The following MOCOS variants were observed in gnomAD, a reference collection of about 807,000 sequenced individuals.
MOCOS encodes the protein human molybdenum cofactor sulfurase.
In MOCOS, 86 loss-of-function variants were observed where a neutral mutation model predicts 83.6. That is an observed-to-expected ratio of 1.03 (90% CI 0.86 to 1.23). The LOEUF (loss-of-function observed/expected upper bound fraction) is 1.23. Among genes scored for constraint, MOCOS ranks in the 50% most tolerant of loss-of-function variants. MOCOS has a pLI of 0.00. For missense variants in MOCOS, 1,120 were observed against 1,126.9 expected, an observed-to-expected ratio of 0.99 and a Z score of 0.09; for synonymous variants, 445 against 434.7, an observed-to-expected ratio of 1.02 and a Z score of -0.29.
intron 1 of MOCOS, among the ~76,000 whole-genome samples, chr18:36,190,754 A>G (rs1303221320): frequency 6.6e-6 from 1 of 152,000 alleles, no homozygotes; most frequent in Non-Finnish European, 1.5e-5. Context: ...GTCTCAAAAA[A>G]AACAAAAAAA....
chr18:36,263,222 A>G (rs2091670055), intron 13 of MOCOS, among the ~76,000 whole-genome samples: 1 of 152,236 alleles, frequency 6.6e-6, no homozygotes, highest in Non-Finnish European at 1.5e-5. Context: ...GGATGTCATC[A>G]AGTCATAAAT....
intron 6 of MOCOS, among the ~76,000 whole-genome samples, chr18:36,208,706 A>AT (rs2091443242): frequency 6.6e-6 from 1 of 151,998 alleles, no homozygotes; most frequent in Non-Finnish European, 1.5e-5. Flanking sequence ...AGATTATGGG[A>AT]TTTTCCGGGT....
At chr18:36,218,761 C>T (rs1362899058) in intron 8 of MOCOS, among the ~76,000 whole-genome samples, 3 of 151,998 alleles carry the variant, frequency 2.0e-5, no homozygotes, top group African/African-American at 7.2e-5. Context: ...CTCAAGTGAT[C>T]CCCCTGCCTC....
intron 1 of MOCOS, among the ~76,000 whole-genome samples, chr18:36,192,624 G>C (rs1418676323): frequency 6.6e-6 from 1 of 152,142 alleles, no homozygotes; most frequent in Non-Finnish European, 1.5e-5. Context: ...AGAAATGCAA[G>C]TGACTCAGAA....
intron 6 of MOCOS, among the ~76,000 whole-genome samples, chr18:36,206,891 C>T (rs2091436910): frequency 6.6e-6 from 1 of 152,154 alleles, no homozygotes; most frequent in Non-Finnish European, 1.5e-5. Context: ...CACTGATGGG[C>T]ATATAGGTTG....
chr18:36,250,151 A>G lies in MOCOS; in HGVS notation c.2040-1008A>G, dbSNP rs189696362. Among the ~76,000 whole-genome samples, 10 of 152,286 alleles carry G rather than the reference A, an allele frequency of 6.6e-5. No homozygotes were observed. The East Asian group carries it at 1.2e-3, about 18-fold the overall frequency. On this transcript the variant is annotated intron_variant, in intron 10 of 14. Coordinates refer to ENST00000261326, the MANE Select transcript of MOCOS (RefSeq NM_017947.4). ...ACCAATTCCCCTTTCACCCCCGCCC[A>G]TATACTAAAACAGTTAACTATATAA... is the stretch of plus-strand genomic sequence containing the variant.
At chr18:36,231,157 T>C (rs1056723365) in intron 9 of MOCOS, among the ~76,000 whole-genome samples, 5 of 152,204 alleles carry the variant, frequency 3.3e-5, no homozygotes, top group African/African-American at 1.2e-4. Flanking sequence ...TATTTCTTAC[T>C]GAACGCTTTT....
At chr18:36,231,007 CTTT>C (rs1302943337) in intron 9 of MOCOS, among the ~76,000 whole-genome samples, 1 of 152,142 alleles carries the variant, frequency 6.6e-6, no homozygotes. Context: ...AGACATTCTT[CTTT>C]ATTACCAACT....
At chr18:36,198,002 T>TTA (rs1339796709) in intron 2 of MOCOS, among the ~76,000 whole-genome samples, 1 of 152,214 alleles carries the variant, frequency 6.6e-6, no homozygotes, top group African/African-American at 2.4e-5. Context: ...GATTCATGCA[T>TTA]TATGTATATT....
At chr18:36,244,592 C>T (rs594680) in intron 9 of MOCOS, among the ~76,000 whole-genome samples, 87,438 of 151,922 alleles carry the variant, frequency 0.58, 25,973 homozygotes, top group African/African-American at 0.69. Flanking sequence ...AGAATGTATA[C>T]TCTGCAGTTG....
chr18:36,187,753 T>C, intron 1 of MOCOS, 72 bp downstream of exon 1: 1 of 1,238,124 alleles, frequency 8.1e-7, no homozygotes, highest in East Asian at 3.1e-5. Context: ...TTGCTCCTAG[T>C]GAGAGCGGCG....
chr18:36,267,621 C>A (rs983134668), intron 14 of MOCOS, among the ~76,000 whole-genome samples: 1 of 152,102 alleles, frequency 6.6e-6, no homozygotes, highest in Non-Finnish European at 1.5e-5. Flanking sequence ...ATAGAAATGG[C>A]CTGCAGAGTA....
chr18:36,214,147 A>G (rs1254131126), intron 7 of MOCOS, among the ~76,000 whole-genome samples: 3 of 148,878 alleles, frequency 2.0e-5, no homozygotes, highest in Non-Finnish European at 4.4e-5. Flanking sequence ...AGGCTGAGGC[A>G]GGAGAACTGC....
chr18:36,268,519 T>C lies in MOCOS; in HGVS notation c.2515-14T>C. On this transcript the variant is annotated splice_polypyrimidine_tract_variant and intron_variant, in intron 14 of 14. Transcript: ENST00000261326. Reference sequence around the variant, plus strand: ...ATCTAGCCTTTTTTGTTGTTGTTGCTGTTTTGTTCACAGGTGAACTTTGGC... The same window carrying C: ...ATCTAGCCTTTTTTGTTGTTGTTGCCGTTTTGTTCACAGGTGAACTTTGGC... 1 of 1,614,180 alleles carries C rather than the reference T, an allele frequency of 6.2e-7. No homozygotes were observed. The highest frequency in any genetic ancestry group is 8.5e-7 in the Non-Finnish European group (1 of 1,180,030).
chr18:36,251,052 GC>G, intron 10 of MOCOS, 106 bp from the exon 11 acceptor site: 1 of 1,374,532 alleles, frequency 7.3e-7, no homozygotes, highest in Non-Finnish European at 1.0e-6. Flanking sequence ...CAGGGCTCAT[GC>G]AATGTTTTGT....
chr18:36,215,877 C>G lies in MOCOS; in HGVS notation c.1697C>G (p.Thr566Ser). Residue 566 changes from threonine to serine, a missense_variant, in exon 8 of 15, where the codon ACT (threonine) becomes AGT (serine). Physicochemically the swap from Thr to Ser is moderately conservative, Grantham distance 58. Coordinates refer to ENST00000261326, the MANE Select transcript of MOCOS (RefSeq NM_017947.4). ...TGTGATGTCGCCAGAACCCAGCCGACTCCTTCAGAGAAAGCTGCAGGAGTC... is the reference window on the plus strand; with the variant it reads ...TGTGATGTCGCCAGAACCCAGCCGAGTCCTTCAGAGAAAGCTGCAGGAGTC... ...PVCDVARTQP[T>S]PSEKAAGVLE... is the part of the protein sequence containing the mutation. 1 of 1,614,230 alleles carries G rather than the reference C, an allele frequency of 6.2e-7. No homozygotes were observed.
At chr18:36,261,814 C>T (rs1369364153) in intron 13 of MOCOS, among the ~76,000 whole-genome samples, 1 of 151,992 alleles carries the variant, frequency 6.6e-6, no homozygotes, top group African/African-American at 2.4e-5. Flanking sequence ...TGTGTCTCTG[C>T]CATGTTTTTT....
At chr18:36,219,346 T>C (rs1470279112) in intron 8 of MOCOS, among the ~76,000 whole-genome samples, 2 of 152,076 alleles carry the variant, frequency 1.3e-5, no homozygotes, top group African/African-American at 4.8e-5. Context: ...TATACTATTA[T>C]GAAATACCTG....
intron 9 of MOCOS, among the ~76,000 whole-genome samples, chr18:36,245,092 CTT>C (rs2091597826): frequency 6.6e-6 from 1 of 152,090 alleles, no homozygotes; most frequent in South Asian, 2.1e-4. Context: ...CATTCTGCCT[CTT>C]TTAAGTGGAA....
Sources: allele counts gnomAD v4.1 joint callset (sites outside exome capture counted in the v4.1 genomes callset), GRCh38; gene constraint gnomAD v4.1.1; transcripts MANE v1.5; gene names NCBI Gene and HGNC (gene_info 2026-07-23, HGNC 2026-07-21).